PPP4R3A: variants seen among roughly 807,000 people sequenced by gnomAD.
PPP4R3A encodes the protein protein phosphatase 4 regulatory subunit 3A, also known as serine/threonine-protein phosphatase 4 regulatory subunit 3A.
PPP4R3A carries 15 observed loss-of-function variants against 91.7 expected under a neutral mutation model. The ratio of observed to expected loss-of-function variants is 0.16; its 90% CI spans 0.11 to 0.25. The LOEUF is 0.25. Among genes scored for constraint, PPP4R3A ranks in the 10% least tolerant of loss-of-function variants. PPP4R3A has a pLI of 1.00. For synonymous variants in PPP4R3A, 377 were observed against 348.7 expected, an observed-to-expected ratio of 1.08 and a Z score of -0.91; for missense variants, 623 against 998.4, an observed-to-expected ratio of 0.62 and a Z score of 5.07.
Position 91,458,583 on chromosome 14 carries a change from T to TATCC in PPP4R3A, c.*172_*175dup. ...TTAAGTCTTTCCCCTAAATATATGA[T>TATCC]ATCCCCTCCTCCTGCTCCATTGAAT... On this transcript the variant is annotated 3_prime_UTR_variant, in exon 15 of 15. Coordinates refer to ENST00000554943, the MANE Select transcript of PPP4R3A (RefSeq NM_001366432.2). 3 of 874,568 alleles carry TATCC rather than the reference T, an allele frequency of 3.4e-6. No homozygotes were observed. The highest frequency in any genetic ancestry group is 5.7e-6 in the Non-Finnish European group (3 of 522,974). 54.2% of individuals were successfully genotyped at this position (874,568 alleles called of 1,614,324 possible). A position where few individuals can be genotyped will look rare whatever the true frequency, so the allele number is the denominator to read the frequency against.
At position 91,462,189 on chromosome 14, in the gene PPP4R3A, A is replaced by T; in HGVS notation, c.2024T>A (p.Leu675Gln). 1.2e-6 allele frequency: 2 copies of T among 1,605,900 alleles called. No individual in the cohort carries two copies. Among genetic ancestry groups the T allele is most frequent in the Non-Finnish European group, 1.7e-6 (2 of 1,177,520 alleles). The change falls in exon 13 of 15, where the codon CTA becomes CAA. Residue 675 changes from leucine (L) to glutamine (Q), a missense_variant. Transcript: ENST00000554943. Reference sequence around the variant, plus strand: ...AAACCACATCTCTTCTTCATCTTCTAGTGTTCTGGCATCTCTTCGATATCT... The same window carrying T: ...AAACCACATCTCTTCTTCATCTTCTTGTGTTCTGGCATCTCTTCGATATCT... ...NHRYRRDART[L>Q]EDEEEMWFNT...
At position 91,509,862 on chromosome 14, in the gene PPP4R3A, G is replaced by A. The variant is rs1159481696; in HGVS notation, c.-215C>T. ...CGCCTTTCCTCGCCTCCGGCTCCCC[G>A]GCGCTATTGTCCAGGCCTGGCGAGC... On this transcript the variant is annotated 5_prime_UTR_variant, in exon 1 of 15. Coordinates refer to ENST00000554943, the MANE Select transcript of PPP4R3A (RefSeq NM_001366432.2). 14 of 1,143,466 alleles carry A rather than the reference G, an allele frequency of 1.2e-5. No homozygotes were observed. The highest frequency in any genetic ancestry group is 3.3e-5 in the African/African-American group (2 of 60,816). The allele number at this position is 1,143,466 out of a possible 1,614,324, so 70.8% of individuals were successfully genotyped here. A position where few individuals can be genotyped will look rare whatever the true frequency, so the allele number is the denominator to read the frequency against.
At chr14:91,464,431 G>T (rs1442276720) in intron 11 of PPP4R3A, among the ~76,000 whole-genome samples, 1 of 151,116 alleles carries the variant, frequency 6.6e-6, no homozygotes, top group Non-Finnish European at 1.5e-5. Context: ...GGTTAAAATA[G>T]CAAGTTTAAT....
At chr14:91,488,820 A>G (rs1306466829) in intron 2 of PPP4R3A, among the ~76,000 whole-genome samples, 6 of 151,876 alleles carry the variant, frequency 4.0e-5, no homozygotes, top group Non-Finnish European at 7.4e-5. Flanking sequence ...TTAGAAAGTG[A>G]GGTAACCTCT....
At chr14:91,460,024 T>A (rs1410580080) in intron 14 of PPP4R3A, among the ~76,000 whole-genome samples, 1 of 152,032 alleles carries the variant, frequency 6.6e-6, no homozygotes. Flanking sequence ...GCTTTATTTA[T>A]TTTTTGAGAT....
intron 1 of PPP4R3A, among the ~76,000 whole-genome samples, chr14:91,499,719 G>A (rs983068535): frequency 6.6e-6 from 1 of 151,500 alleles, no homozygotes; most frequent in African/African-American, 2.4e-5. Context: ...TACTCGGGAA[G>A]CTGAGGCAGG....
At position 91,476,559 on chromosome 14, in the gene PPP4R3A, GTTTAT is replaced by G. The variant is rs1889220405; in HGVS notation, c.994-40_994-36del. 2.9e-6 allele frequency: 4 copies of G among 1,387,934 alleles called. No homozygotes were observed. In the African/African-American group the frequency reaches 4.4e-5, roughly 15 times the overall value. 86.0% of individuals were successfully genotyped at this position (1,387,934 alleles called of 1,614,324 possible). A position where few individuals can be genotyped will look rare whatever the true frequency, so the allele number is the denominator to read the frequency against. ...GAAAAAAGGATAAGTGATATAAAAA[GTTTAT>G]TTTATTTATTTATTTATTGAGACGG... On this transcript the variant is annotated intron_variant, in intron 5 of 14. Coordinates refer to ENST00000554943, the MANE Select transcript of PPP4R3A (RefSeq NM_001366432.2).
intron 4 of PPP4R3A, among the ~76,000 whole-genome samples, chr14:91,480,186 AAT>A (rs1889468825): frequency 6.6e-6 from 1 of 152,240 alleles, no homozygotes; most frequent in Non-Finnish European, 1.5e-5. Context: ...AGCAATTATC[AAT>A]AGACACTTAA....
chr14:91,503,554 T>C (rs1007853224), intron 1 of PPP4R3A, among the ~76,000 whole-genome samples: 8 of 152,120 alleles, frequency 5.3e-5, no homozygotes, highest in African/African-American at 1.7e-4. Flanking sequence ...AAAATCATAA[T>C]GGTGAAAAGT....
chr14:91,463,316 C>T (rs373191357), intron 11 of PPP4R3A, among the ~76,000 whole-genome samples: 8 of 151,994 alleles, frequency 5.3e-5, no homozygotes, highest in South Asian at 2.1e-4. Flanking sequence ...CTGCCTGCCT[C>T]GGCCTCCCAA....
intron 1 of PPP4R3A, among the ~76,000 whole-genome samples, chr14:91,507,786 T>G: frequency 6.6e-6 from 1 of 151,862 alleles, no homozygotes; most frequent in Middle Eastern, 3.4e-3. Context: ...GAAGGTTATA[T>G]GTATTATTTT....
chr14:91,461,595 T>G lies in PPP4R3A; in HGVS notation c.2177A>C (p.Glu726Ala). 1 of 1,613,740 alleles carries G rather than the reference T, an allele frequency of 6.2e-7. No homozygotes were observed. Reference protein sequence around the residue: ...FMERKKLKESEEKEVLLKTNL... With the variant: ...FMERKKLKESAEKEVLLKTNL... ...TGTTTTCAGAAGCACTTCCTTTTCC[T>G]CACTTTCTTTTACTAAAAATGAGAA... Residue 726 changes from glutamate (E) to alanine (A), a missense_variant, in exon 14 of 15, where the codon GAG (glutamate) becomes GCG (alanine). By Grantham distance (107) the Glu-to-Ala change is moderately radical (BLOSUM62 -1). This residue lies in a region of PPP4R3A where 201 missense variants were observed against 229.9 expected (regional missense o/e 0.87). Transcript: ENST00000554943.
chr14:91,482,252 T>A, intron 3 of PPP4R3A, 59 bp from the exon 4 acceptor site: 2 of 1,502,148 alleles, frequency 1.3e-6, no homozygotes, highest in South Asian at 2.7e-5. Flanking sequence ...CAAACCTAAA[T>A]GCTACTCTAA....
intron 11 of PPP4R3A, 81 bp downstream of exon 11, chr14:91,465,169 C>G: frequency 3.7e-6 from 4 of 1,091,690 alleles, no homozygotes; most frequent in Non-Finnish European, 4.9e-6. Context: ...ATTATCATCT[C>G]AAGCCAAAAT....
Position 91,507,272 on chromosome 14 carries a change from G to A in PPP4R3A, c.142+2234C>T, listed in dbSNP as rs146758923. On this transcript the variant is annotated intron_variant, in intron 1 of 14. Coordinates refer to ENST00000554943, the MANE Select transcript of PPP4R3A (RefSeq NM_001366432.2). ...GGAGATGGAGGTTGCAGTGAGCCACGATGGTGCCATTGCACTCCAGCCTGG... is the reference window on the plus strand; with the variant it reads ...GGAGATGGAGGTTGCAGTGAGCCACAATGGTGCCATTGCACTCCAGCCTGG... Among the ~76,000 whole-genome samples the A allele has an allele frequency of 1.0e-4, 15 of 149,704 alleles. No individual in the cohort carries two copies. In the East Asian group the frequency reaches 2.5e-3, roughly 25 times the overall value.
Position 91,458,762 on chromosome 14 carries a change from T to C in PPP4R3A, c.2499A>G (p.Ser833=). ...TGATCCTAGGCCGTTGCCATTATTA[T>C]GAATCAAATTTTGCTTTCTTTGACA... ...LPLSKKAKFD[S] The change falls in exon 15 of 15, where the codon TCA becomes TCG. Residue 833 remains serine, a synonymous_variant. Coordinates refer to ENST00000554943, the MANE Select transcript of PPP4R3A (RefSeq NM_001366432.2). 2 of 1,614,150 alleles carry C rather than the reference T, an allele frequency of 1.2e-6. No individual in the cohort carries two copies. Among genetic ancestry groups the C allele is most frequent in the Non-Finnish European group, 1.7e-6 (2 of 1,180,008 alleles).
At chr14:91,501,871 A>ATTTTTTTTTTTTTT (rs755484959) in intron 1 of PPP4R3A, among the ~76,000 whole-genome samples, 4 of 100,234 alleles carry the variant, frequency 4.0e-5, no homozygotes, top group African/African-American at 7.8e-5. Context: ...AGCCCGGCTA[A>ATTTTTTTTTTTTTT]TTTTTTTTTT....
Position 91,481,604 on chromosome 14 carries a change from T to C in PPP4R3A, c.887A>G (p.Asn296Ser), listed in dbSNP as rs1889562702. Residue 296 changes from asparagine to serine, a missense_variant, in exon 4 of 15, where the codon AAT becomes AGT. Transcript: ENST00000554943. ...LSTLHSFIFFNKVEIVGMLQE... is the reference protein window; with the variant it reads ...LSTLHSFIFFSKVEIVGMLQE... ...CAACATGCCAACAATCTCTACCTTATTGAAAAAGATAAAAGAGTGAAGTGT... is the reference window on the plus strand; with the variant it reads ...CAACATGCCAACAATCTCTACCTTACTGAAAAAGATAAAAGAGTGAAGTGT... The C allele has an allele frequency of 4.4e-6, 7 of 1,586,020 alleles. No individual in the cohort carries two copies. The highest frequency in any genetic ancestry group is 6.0e-6 in the Non-Finnish European group (7 of 1,170,156).
chr14:91,477,039 T>C lies in PPP4R3A; in HGVS notation c.916-53A>G. 5.7e-6 allele frequency: 8 copies of C among 1,410,468 alleles called. No individual in the cohort carries two copies. In the South Asian group the frequency reaches 8.8e-5, roughly 16 times the overall value. The allele number at this position is 1,410,468 out of a possible 1,614,324, so 87.4% of individuals were successfully genotyped here. Reference sequence around the variant, plus strand: ...TGTTAATGCTAAGATTGTCCTAAAATATAATTTCAGGAATGCTTTAATATA... The same window carrying C: ...TGTTAATGCTAAGATTGTCCTAAAACATAATTTCAGGAATGCTTTAATATA... On this transcript the variant is annotated intron_variant, in intron 4 of 14. Coordinates refer to ENST00000554943, the MANE Select transcript of PPP4R3A (RefSeq NM_001366432.2).
Sources: gnomAD v4.1 joint callset for allele counts (sites outside exome capture counted in the v4.1 genomes callset) on GRCh38, gnomAD v4.1.1 for gene constraint, gnomAD v4.1.1 regional missense constraint, MANE v1.5 for transcripts, NCBI Gene and HGNC (gene_info 2026-07-23, HGNC 2026-07-21) for gene names.